SLC12A8: variants seen among roughly 807,000 people sequenced by gnomAD.
SLC12A8 encodes the protein cation-chloride cotransporter 9.
In SLC12A8, 69 loss-of-function variants were observed where a neutral mutation model predicts 75.6. The observed-to-expected ratio is 0.91, with a 90% confidence interval of 0.75 to 1.11. SLC12A8 has a LOEUF of 1.11. SLC12A8 is among the 50% of genes most tolerant of loss of function. The pLI is 0.00. For synonymous variants in SLC12A8, 365 were observed against 372.8 expected (o/e 0.98, Z 0.24); for missense variants, 877 against 896.7 (o/e 0.98, Z 0.28).
chr3:125,110,538 A>T, intron 8 of SLC12A8: 1 of 468,102 alleles, frequency 2.1e-6, no homozygotes. Context: ...TTTCATATGG[A>T]TTGCACAGTG....
chr3:125,097,256 G>C (rs1490774673), intron 10 of SLC12A8, among the ~76,000 whole-genome samples: 1 of 151,942 alleles, frequency 6.6e-6, no homozygotes, highest in Non-Finnish European at 1.5e-5. Flanking sequence ...GGGCATGGTG[G>C]AACGCACCTG....
intron 5 of SLC12A8, among the ~76,000 whole-genome samples, chr3:125,145,882 C>T (rs571722316): frequency 6.6e-6 from 1 of 152,316 alleles, no homozygotes; most frequent in Non-Finnish European, 1.5e-5. Context: ...ATCTGGAGTG[C>T]AGTGGCACGA....
chr3:125,109,563 T>C (rs1939131865), intron 9 of SLC12A8, among the ~76,000 whole-genome samples: 1 of 152,184 alleles, frequency 6.6e-6, no homozygotes, highest in Non-Finnish European at 1.5e-5. Context: ...AACTCTAGCT[T>C]GCAAACCATA....
intron 5 of SLC12A8, among the ~76,000 whole-genome samples, chr3:125,173,845 C>T (rs1052034309): frequency 3.3e-5 from 5 of 152,214 alleles, no homozygotes; most frequent in African/African-American, 4.8e-5. Flanking sequence ...AATCCCAGCA[C>T]TTTGGGAGGC....
intron 6 of SLC12A8, among the ~76,000 whole-genome samples, chr3:125,131,868 C>T (rs569706669): frequency 2.0e-4 from 31 of 152,234 alleles, no homozygotes; most frequent in African/African-American, 6.0e-4. Flanking sequence ...TTCCCAGGTT[C>T]TGGGGAAATG....
intron 5 of SLC12A8, among the ~76,000 whole-genome samples, chr3:125,150,487 A>G (rs1560068401): frequency 6.6e-6 from 1 of 152,242 alleles, no homozygotes; most frequent in South Asian, 2.1e-4. Flanking sequence ...CTGAATGTAC[A>G]TAAGAATTTC....
intron 5 of SLC12A8, among the ~76,000 whole-genome samples, chr3:125,148,974 G>A (rs1250684756): frequency 6.6e-6 from 1 of 152,186 alleles, no homozygotes; most frequent in African/African-American, 2.4e-5. Context: ...AGCAGCGGGG[G>A]GGCACAGGCA....
intron 8 of SLC12A8, among the ~76,000 whole-genome samples, chr3:125,116,041 G>A (rs531633972): frequency 2.0e-5 from 3 of 152,178 alleles, no homozygotes; most frequent in Non-Finnish European, 4.4e-5. Context: ...AAAAACATCT[G>A]TGGCCCAATC....
chr3:125,084,334 G>A (rs1348411062), intron 13 of SLC12A8, among the ~76,000 whole-genome samples: 1 of 151,996 alleles, frequency 6.6e-6, no homozygotes, highest in African/African-American at 2.4e-5. Context: ...CCAACAAAGA[G>A]AGGTTTTGCC....
chr3:125,140,289 T>C (rs1490503542), intron 5 of SLC12A8, among the ~76,000 whole-genome samples: 1 of 152,160 alleles, frequency 6.6e-6, no homozygotes, highest in African/African-American at 2.4e-5. Context: ...GTACGATGAC[T>C]AACTGAGGAC....
chr3:125,118,668 T>G (rs1222326261), intron 8 of SLC12A8, 101 bp downstream of exon 8: 5 of 767,116 alleles, frequency 6.5e-6, no homozygotes, highest in African/African-American at 1.8e-5. Flanking sequence ...ACTATATGGA[T>G]TCCCAGACAG....
chr3:125,107,402 G>A, intron 10 of SLC12A8, 79 bp downstream of exon 10: 1 of 1,319,414 alleles, frequency 7.6e-7, no homozygotes, highest in Middle Eastern at 1.9e-4. Context: ...GTTATAACTG[G>A]TTCACAATAA....
intron 6 of SLC12A8, among the ~76,000 whole-genome samples, chr3:125,135,250 GT>G (rs1157309251): frequency 6.6e-6 from 1 of 152,202 alleles, no homozygotes. Flanking sequence ...GGGAAGGGAA[GT>G]TTCGATTCCA....
intron 2 of SLC12A8, among the ~76,000 whole-genome samples, chr3:125,202,419 C>T (rs907163110): frequency 6.6e-6 from 1 of 152,166 alleles, no homozygotes; most frequent in Non-Finnish European, 1.5e-5. Context: ...AAAAGCACCA[C>T]CTAATGGCAC....
At chr3:125,182,657 T>A (rs1456850916) in intron 4 of SLC12A8, among the ~76,000 whole-genome samples, 4 of 132,784 alleles carry the variant, frequency 3.0e-5, no homozygotes, top group African/African-American at 1.1e-4. Context: ...CAGGTGTGCA[T>A]CACCACGCCT....
chr3:125,201,249 T>A (rs1303979137), intron 2 of SLC12A8, among the ~76,000 whole-genome samples: 6 of 151,840 alleles, frequency 4.0e-5, no homozygotes, highest in African/African-American at 1.5e-4. Flanking sequence ...ACAAAAAATT[T>A]AAAAATTTGC....
intron 2 of SLC12A8, among the ~76,000 whole-genome samples, chr3:125,201,380 G>A (rs1254116298): frequency 6.6e-6 from 1 of 151,964 alleles, no homozygotes; most frequent in Non-Finnish European, 1.5e-5. Context: ...CTCCAACCTG[G>A]GCAACAGAGT....
chr3:125,184,117 C>T (rs1233030997), intron 4 of SLC12A8, among the ~76,000 whole-genome samples: 2 of 152,072 alleles, frequency 1.3e-5, no homozygotes, highest in South Asian at 2.1e-4. Context: ...GGATTACAGA[C>T]GTGCGCCACC....
chr3:125,090,290 A>T (rs1340806447), intron 12 of SLC12A8, among the ~76,000 whole-genome samples: 1 of 152,164 alleles, frequency 6.6e-6, no homozygotes. Context: ...TCTGTTCTTG[A>T]ATTGACTTGA....
Sources: allele counts gnomAD v4.1 joint callset (sites outside exome capture counted in the v4.1 genomes callset), GRCh38; gene constraint gnomAD v4.1.1; transcripts MANE v1.5; gene names NCBI Gene and HGNC (gene_info 2026-07-23, HGNC 2026-07-21).